The following EGFR variants were observed in gnomAD, a reference collection of about 807,000 sequenced individuals.
EGFR encodes the protein avian erythroblastic leukemia viral (v-erb-b) oncogene homolog.
EGFR carries 58 observed loss-of-function variants against 143.0 expected under a neutral mutation model. The ratio of observed to expected loss-of-function variants is 0.41; its 90% CI spans 0.33 to 0.50. The LOEUF is 0.50. EGFR is among the 20% of genes least tolerant of loss of function. The probability of loss-of-function intolerance (pLI) is 0.39; values close to 1 mark genes in which losing one functional copy is unlikely to be tolerated. For synonymous variants in EGFR, 613 were observed against 594.4 expected (o/e 1.03, Z -0.45); for missense variants, 1,307 against 1,579.0 (o/e 0.83, Z 2.92).
chr7:55,089,083 T>C lies in EGFR; in HGVS notation c.89-53203T>C, dbSNP rs572434786. ...AAATATATGTACAAATAAAGGTCGATCATTTAGGTTTTGTTTATATTTTTG... is the reference window on the plus strand; with the variant it reads ...AAATATATGTACAAATAAAGGTCGACCATTTAGGTTTTGTTTATATTTTTG... On this transcript the variant is annotated intron_variant, in intron 1 of 27. Transcript: ENST00000275493. Among the ~76,000 whole-genome samples the C allele has an allele frequency of 2.0e-5, 3 of 148,686 alleles. No individual in the cohort carries two copies. In the South Asian group the frequency reaches 6.6e-4, roughly 33 times the overall value.
chr7:55,020,727 C>A (rs879882116), intron 1 of EGFR, among the ~76,000 whole-genome samples: 1 of 151,984 alleles, frequency 6.6e-6, no homozygotes, highest in African/African-American at 2.4e-5. Context: ...ACAATTCCAA[C>A]CTTGAGCTGC....
intron 1 of EGFR, among the ~76,000 whole-genome samples, chr7:55,068,162 T>C (rs1789625761): frequency 6.9e-6 from 1 of 145,940 alleles, no homozygotes; most frequent in Admixed American, 6.6e-5. Context: ...CATCACCTTT[T>C]TAGTCAAAAG....
At chr7:55,062,658 G>T (rs1165964207) in intron 1 of EGFR, among the ~76,000 whole-genome samples, 1 of 152,228 alleles carries the variant, frequency 6.6e-6, no homozygotes, top group African/African-American at 2.4e-5. Flanking sequence ...ATTACTGCAC[G>T]TTCCCATCGC....
intron 1 of EGFR, among the ~76,000 whole-genome samples, chr7:55,035,686 GAAAA>G (rs35456043): frequency 1.7e-5 from 2 of 117,992 alleles, no homozygotes; most frequent in Non-Finnish European, 3.6e-5. Context: ...CTCTGTCTCG[GAAAA>G]AAAAAAAAAA....
At chr7:55,064,307 A>C (rs554129904) in intron 1 of EGFR, among the ~76,000 whole-genome samples, 1 of 152,344 alleles carries the variant, frequency 6.6e-6, no homozygotes, top group South Asian at 2.1e-4. Context: ...CAATTATGCA[A>C]GCTTCACCAT....
In EGFR at chr7:55,164,082, C is replaced by T. The variant is rs145381085; in HGVS notation, c.1722+259C>T. 3.3e-3 allele frequency among the ~76,000 whole-genome samples: 497 copies of T among 152,338 alleles called. 2 individuals carry two copies. Among genetic ancestry groups the T allele is most frequent in the Non-Finnish European group, 5.2e-3 (354 of 68,024 alleles). On this transcript the variant is annotated intron_variant, in intron 14 of 27. Transcript: ENST00000275493. ...AAGCTTATCAAATCCTCACATTTAA[C>T]GGAGGCTGTTTTCACCTGGTTTCCC...
At chr7:55,044,321 A>G (rs1287315605) in intron 1 of EGFR, among the ~76,000 whole-genome samples, 2 of 152,212 alleles carry the variant, frequency 1.3e-5, no homozygotes, top group Non-Finnish European at 2.9e-5. Flanking sequence ...AAGTGTGTTT[A>G]ATAGTTTGAA....
intron 11 of EGFR, among the ~76,000 whole-genome samples, chr7:55,159,197 T>C (rs924845228): frequency 6.6e-6 from 1 of 152,098 alleles, no homozygotes; most frequent in Non-Finnish European, 1.5e-5. Context: ...CTCACACCCA[T>C]CGTGGTCTGG....
chr7:55,148,028 C>T (rs542007702), intron 4 of EGFR, among the ~76,000 whole-genome samples: 1 of 152,322 alleles, frequency 6.6e-6, no homozygotes, highest in South Asian at 2.1e-4. Flanking sequence ...TGTCCATTCA[C>T]CTATCTACAG....
chr7:55,194,314 C>T (rs1022828803), intron 22 of EGFR, among the ~76,000 whole-genome samples: 1 of 151,414 alleles, frequency 6.6e-6, no homozygotes, highest in Non-Finnish European at 1.5e-5. Context: ...GCAACCTCCA[C>T]CTCCCGGGTT....
At chr7:55,114,628 T>TA (rs1024829500) in intron 1 of EGFR, among the ~76,000 whole-genome samples, 3 of 152,232 alleles carry the variant, frequency 2.0e-5, no homozygotes, top group Admixed American at 1.3e-4. Context: ...ATACTATTTT[T>TA]AAAAAAATCT....
At chr7:55,128,042 G>A (rs561133364) in intron 1 of EGFR, among the ~76,000 whole-genome samples, 3 of 152,300 alleles carry the variant, frequency 2.0e-5, no homozygotes, top group Non-Finnish European at 4.4e-5. Context: ...CCATCCTCCT[G>A]GAGTGAGCGG....
chr7:55,145,510 C>G (rs1330435188), intron 3 of EGFR, among the ~76,000 whole-genome samples: 2 of 152,212 alleles, frequency 1.3e-5, no homozygotes, highest in African/African-American at 4.8e-5. Flanking sequence ...GCCTTCAGCC[C>G]TCACTTCCAC....
intron 1 of EGFR, among the ~76,000 whole-genome samples, chr7:55,047,747 A>G (rs1011136082): frequency 1.7e-4 from 26 of 152,218 alleles, no homozygotes; most frequent in African/African-American, 5.5e-4. Flanking sequence ...GTGAAACTCC[A>G]TCTCGAAAAC....
At chr7:55,166,742 TGA>T in intron 15 of EGFR, among the ~76,000 whole-genome samples, 1 of 137,002 alleles carries the variant, frequency 7.3e-6, no homozygotes, top group Non-Finnish European at 1.5e-5. Flanking sequence ...GTGGTAGTGA[TGA>T]TGGTGTTGAT....
At chr7:55,061,860 G>A (rs538576545) in intron 1 of EGFR, among the ~76,000 whole-genome samples, 1 of 152,294 alleles carries the variant, frequency 6.6e-6, no homozygotes, top group South Asian at 2.1e-4. Context: ...GTTTCAGCAC[G>A]GCAAAGGCTC....
In EGFR at chr7:55,173,104, A is replaced by T. The variant is rs2128952672; in HGVS notation, c.2041A>T (p.Arg681Trp). The T allele has an allele frequency of 6.2e-7, 1 of 1,611,402 alleles. No individual in the cohort carries two copies. Among genetic ancestry groups the T allele is most frequent in the African/African-American group, 1.3e-5 (1 of 75,026 alleles). Reference sequence around the variant, plus strand: ...CATCGTTCGGAAGCGCACGCTGCGGAGGCTGCTGCAGGAGAGGGAGGTGAG... The same window carrying T: ...CATCGTTCGGAAGCGCACGCTGCGGTGGCTGCTGCAGGAGAGGGAGGTGAG... Reference protein sequence around the residue: ...RHIVRKRTLRRLLQERELVEP... With the variant: ...RHIVRKRTLRWLLQERELVEP... Residue 681 changes from arginine to tryptophan, a missense_variant, in exon 17 of 28, where the codon AGG becomes TGG. Coordinates refer to ENST00000275493, the MANE Select transcript of EGFR (RefSeq NM_005228.5).
chr7:55,071,866 T>A (rs17514371), intron 1 of EGFR, among the ~76,000 whole-genome samples: 20 of 152,232 alleles, frequency 1.3e-4, no homozygotes, highest in African/African-American at 3.9e-4. Flanking sequence ...ATGTAGCTTA[T>A]CTCTTTAAAG....
rs570767355 is a variant in EGFR at position 55,161,389 on chromosome 7, G to T, written c.1499-110G>T. On this transcript the variant is annotated intron_variant, in intron 12 of 27. Coordinates refer to ENST00000275493, the MANE Select transcript of EGFR (RefSeq NM_005228.5). Reference sequence around the variant, plus strand: ...CTTCAGGGGTAGCCAGCATGTCTGTGTCACCCAAGGTCATGGAGCACAGGG... The same window carrying T: ...CTTCAGGGGTAGCCAGCATGTCTGTTTCACCCAAGGTCATGGAGCACAGGG... 377 of 1,427,826 alleles carry T rather than the reference G, an allele frequency of 2.6e-4. 4 individuals carry two copies. The African/African-American group carries it at 5.0e-3, about 19-fold the overall frequency. The allele number at this position is 1,427,826 out of a possible 1,614,324, so 88.4% of individuals were successfully genotyped here. A position where few individuals can be genotyped will look rare whatever the true frequency, so the allele number is the denominator to read the frequency against.
Sources: allele counts gnomAD v4.1 joint callset (sites outside exome capture counted in the v4.1 genomes callset), GRCh38; gene constraint gnomAD v4.1.1; transcripts MANE v1.5; gene names NCBI Gene and HGNC (gene_info 2026-07-23, HGNC 2026-07-21).